The following CNTN4 variants were observed in gnomAD, a reference collection of about 807,000 sequenced individuals.
CNTN4 encodes contactin 4.
CNTN4 carries 77 observed loss-of-function variants against 122.5 expected under a neutral mutation model. The observed-to-expected ratio is 0.63, with a 90% confidence interval of 0.52 to 0.76. The LOEUF (loss-of-function observed/expected upper bound fraction) is 0.76, where lower values mean the gene tolerates loss of function less well. Among genes scored for constraint, CNTN4 ranks in the 30% least tolerant of loss-of-function variants. The pLI is 0.00. For synonymous variants in CNTN4, 512 were observed against 447.0 expected (o/e 1.15, Z -1.83); for missense variants, 1,256 against 1,259.1 (o/e 1.00, Z 0.04).
intron 14 of CNTN4, among the ~76,000 whole-genome samples, chr3:3,005,291 T>A (rs910137352): frequency 4.6e-5 from 7 of 152,196 alleles, no homozygotes; most frequent in African/African-American, 1.7e-4. Flanking sequence ...TAGGCTGAGA[T>A]TTTTTTCAAA....
chr3:2,962,661 A>T (rs1448603602), intron 13 of CNTN4, among the ~76,000 whole-genome samples: 1 of 152,026 alleles, frequency 6.6e-6, no homozygotes, highest in Non-Finnish European at 1.5e-5. Flanking sequence ...GGAGTTATGT[A>T]TGACTATTGT....
intron 4 of CNTN4, among the ~76,000 whole-genome samples, chr3:2,694,792 C>G (rs1156726599): frequency 6.6e-6 from 1 of 152,132 alleles, no homozygotes; most frequent in Non-Finnish European, 1.5e-5. Flanking sequence ...ATTCTAATAT[C>G]TGAGCTGTAG....
At chr3:2,664,637 A>T (rs1576384670) in intron 4 of CNTN4, among the ~76,000 whole-genome samples, 1 of 152,308 alleles carries the variant, frequency 6.6e-6, no homozygotes, top group Middle Eastern at 3.4e-3. Flanking sequence ...GCCACATCTT[A>T]TCAGAGGAAA....
chr3:2,769,256 G>A (rs1398238241), intron 6 of CNTN4, among the ~76,000 whole-genome samples: 1 of 152,088 alleles, frequency 6.6e-6, no homozygotes, highest in African/African-American at 2.4e-5. Flanking sequence ...GAGGTCAGGA[G>A]TTCAAGACCA....
intron 3 of CNTN4, among the ~76,000 whole-genome samples, chr3:2,485,845 A>C (rs1348522712): frequency 6.6e-6 from 1 of 152,142 alleles, no homozygotes. Flanking sequence ...GCACCCTGTC[A>C]AAACGGATCG....
chr3:2,611,642 C>T (rs972694579), intron 4 of CNTN4, among the ~76,000 whole-genome samples: 14 of 152,076 alleles, frequency 9.2e-5, no homozygotes, highest in African/African-American at 3.4e-4. Flanking sequence ...TTGACTATTG[C>T]CAATACCCAA....
At chr3:2,437,592 A>G (rs995091840) in intron 3 of CNTN4, among the ~76,000 whole-genome samples, 4 of 152,252 alleles carry the variant, frequency 2.6e-5, no homozygotes, top group Admixed American at 2.6e-4. Flanking sequence ...TTTAACATGC[A>G]AAAGTATCCT....
At chr3:2,719,981 A>T (rs907397815) in intron 4 of CNTN4, among the ~76,000 whole-genome samples, 1 of 152,152 alleles carries the variant, frequency 6.6e-6, no homozygotes, top group Non-Finnish European at 1.5e-5. Flanking sequence ...AGATATCCAC[A>T]GTGTGGCAGA....
chr3:2,775,739 T>C (rs555126028), intron 6 of CNTN4, among the ~76,000 whole-genome samples: 6 of 152,290 alleles, frequency 3.9e-5, no homozygotes, highest in African/African-American at 1.4e-4. Flanking sequence ...TTCTGTAATA[T>C]AATGTTTTAA....
chr3:2,670,660 C>G (rs4446190), intron 4 of CNTN4, among the ~76,000 whole-genome samples: 29,621 of 152,008 alleles, frequency 0.19, 3,392 homozygotes, highest in South Asian at 0.36. Context: ...TTAGTTTGCT[C>G]AGTAGTTGAT....
intron 7 of CNTN4, among the ~76,000 whole-genome samples, chr3:2,844,373 G>A (rs2728093): frequency 0.42 from 63,748 of 152,028 alleles, 13,380 homozygotes; most frequent in East Asian, 0.55. Flanking sequence ...TAGATATATT[G>A]TGCAGTAGAA....
chr3:2,649,299 A>G (rs1395246540), intron 4 of CNTN4, among the ~76,000 whole-genome samples: 1 of 152,236 alleles, frequency 6.6e-6, no homozygotes, highest in Non-Finnish European at 1.5e-5. Flanking sequence ...TGATAAGTAG[A>G]GAGGACAAGT....
chr3:2,213,459 A>T (rs1056473910), intron 2 of CNTN4, among the ~76,000 whole-genome samples: 3 of 152,240 alleles, frequency 2.0e-5, no homozygotes, highest in Admixed American at 2.0e-4. Context: ...CTGTACAGTA[A>T]GCAGATGTGT....
At chr3:2,197,033 G>A (rs1326034254) in intron 2 of CNTN4, among the ~76,000 whole-genome samples, 1 of 122,018 alleles carries the variant, frequency 8.2e-6, no homozygotes, top group African/African-American at 3.2e-5. Flanking sequence ...CAACAAGAGC[G>A]AAACTCGGTC....
chr3:2,491,728 C>T (rs545716040), intron 3 of CNTN4, among the ~76,000 whole-genome samples: 1 of 152,208 alleles, frequency 6.6e-6, no homozygotes, highest in South Asian at 2.1e-4. Flanking sequence ...CTTTGATATT[C>T]AGTATGGTAG....
intron 4 of CNTN4, among the ~76,000 whole-genome samples, chr3:2,677,197 C>CTATATATATATGTATATATATAGATATA (rs1467066215): frequency 6.8e-6 from 1 of 146,530 alleles, no homozygotes; most frequent in Non-Finnish European, 1.5e-5. Context: ...AGATATATCT[C>CTATATATATATGTATATATATAGATATA]TCTCTATATA....
At chr3:2,206,697 A>G (rs2038360975) in intron 2 of CNTN4, among the ~76,000 whole-genome samples, 1 of 152,116 alleles carries the variant, frequency 6.6e-6, no homozygotes, top group African/African-American at 2.4e-5. Context: ...AACTGGTAAT[A>G]TTAGAATAGT....
chr3:2,714,806 C>T (rs2728048), intron 4 of CNTN4, among the ~76,000 whole-genome samples: 85,609 of 151,850 alleles, frequency 0.56, 25,432 homozygotes, highest in Non-Finnish European at 0.68. Context: ...GGCACTATTA[C>T]AGCTCACTGT....
At chr3:2,809,424 G>A (rs149345200) in intron 6 of CNTN4, among the ~76,000 whole-genome samples, 319 of 152,276 alleles carry the variant, frequency 2.1e-3, no homozygotes, top group African/African-American at 6.8e-3. Context: ...TGGCCATTAC[G>A]GTATAACTAA....
Sources: allele counts gnomAD v4.1 joint callset (sites outside exome capture counted in the v4.1 genomes callset), GRCh38; gene constraint gnomAD v4.1.1; transcripts MANE v1.5; gene names NCBI Gene and HGNC (gene_info 2026-07-23, HGNC 2026-07-21).